XIRP2: variants seen among roughly 807,000 people sequenced by gnomAD.
XIRP2 encodes the protein xin actin binding repeat containing 2, also known as xin actin-binding repeat-containing protein 2.
XIRP2 carries 236 observed loss-of-function variants against 277.0 expected under a neutral mutation model. The observed-to-expected ratio is 0.85, with a 90% CI of 0.77 to 0.95. XIRP2 has a LOEUF of 0.95. Among genes scored for constraint, XIRP2 ranks in the 40% least tolerant of loss-of-function variants. XIRP2 has a pLI of 0.00. For missense variants in XIRP2, 4,640 were observed against 4,157.5 expected, an observed-to-expected ratio of 1.12 and a Z score of -3.19; for synonymous variants, 1,490 against 1,416.5, an observed-to-expected ratio of 1.05 and a Z score of -1.17.
intron 2 of XIRP2, among the ~76,000 whole-genome samples, chr2:167,108,485 T>C (rs572662613): frequency 1.3e-5 from 2 of 152,196 alleles, no homozygotes; most frequent in Admixed American, 1.3e-4. Flanking sequence ...TAAACTTCCA[T>C]CTTGAGACCG....
intron 2 of XIRP2, among the ~76,000 whole-genome samples, chr2:167,070,940 A>G (rs758654415): frequency 6.6e-6 from 1 of 152,226 alleles, no homozygotes; most frequent in South Asian, 2.1e-4. Context: ...GCATTTGTCC[A>G]CATTATATTT....
intron 2 of XIRP2, among the ~76,000 whole-genome samples, chr2:166,977,272 T>C (rs1686739760): frequency 6.6e-6 from 1 of 152,172 alleles, no homozygotes; most frequent in Non-Finnish European, 1.5e-5. Context: ...GTTTTCAAAT[T>C]TAGAAAATTT....
intron 3 of XIRP2, among the ~76,000 whole-genome samples, chr2:167,180,724 C>G (rs184802573): frequency 6.6e-6 from 1 of 152,256 alleles, no homozygotes; most frequent in Non-Finnish European, 1.5e-5. Flanking sequence ...GTCACTGTCC[C>G]TTACCATTGT....
intron 2 of XIRP2, among the ~76,000 whole-genome samples, chr2:167,058,775 T>G (rs1689100658): frequency 6.6e-6 from 1 of 152,194 alleles, no homozygotes; most frequent in Non-Finnish European, 1.5e-5. Flanking sequence ...AAGCAGGTGG[T>G]CACGTCTGGA....
intron 10 of XIRP2, 89 bp from the exon 11 acceptor site, chr2:167,257,768 G>C: frequency 7.4e-7 from 1 of 1,352,112 alleles, no homozygotes; most frequent in Non-Finnish European, 1.0e-6. Flanking sequence ...AAGTTTACTA[G>C]TCTGTAACTC....
intron 2 of XIRP2, among the ~76,000 whole-genome samples, chr2:166,969,938 T>G (rs1279418289): frequency 2.6e-5 from 4 of 151,304 alleles, no homozygotes; most frequent in African/African-American, 9.7e-5. Context: ...CAAACTAAAA[T>G]TAAAAAAAAA....
chr2:167,034,619 C>T (rs1688461070), intron 2 of XIRP2, among the ~76,000 whole-genome samples: 1 of 151,778 alleles, frequency 6.6e-6, no homozygotes, highest in South Asian at 2.1e-4. Context: ...CCAACAGAAA[C>T]CAATAAAGAG....
chr2:167,106,780 T>C (rs929594460), intron 2 of XIRP2, among the ~76,000 whole-genome samples: 2 of 151,620 alleles, frequency 1.3e-5, no homozygotes, highest in African/African-American at 4.8e-5. Context: ...AGAATTGGCA[T>C]CTTTACTTTG....
chr2:167,113,346 T>A (rs1293899508), intron 2 of XIRP2, among the ~76,000 whole-genome samples: 1 of 152,220 alleles, frequency 6.6e-6, no homozygotes, highest in Non-Finnish European at 1.5e-5. Flanking sequence ...TGCATACACA[T>A]CTATTTAAGA....
intron 2 of XIRP2, among the ~76,000 whole-genome samples, chr2:166,937,812 G>T (rs1359531254): frequency 6.6e-6 from 1 of 152,130 alleles, no homozygotes; most frequent in Non-Finnish European, 1.5e-5. Context: ...CTTATTCCTG[G>T]TTTAGTGTTG....
intron 3 of XIRP2, among the ~76,000 whole-genome samples, chr2:167,142,148 A>C (rs1249478824): frequency 6.6e-6 from 1 of 152,142 alleles, no homozygotes; most frequent in East Asian, 1.9e-4. Flanking sequence ...TTCTACAGGG[A>C]ATAGGCCAAG....
At chr2:166,931,883 C>T in intron 2 of XIRP2, among the ~76,000 whole-genome samples, 1 of 152,086 alleles carries the variant, frequency 6.6e-6, no homozygotes, top group Admixed American at 6.6e-5. Flanking sequence ...TTTACATTTC[C>T]ATCATCAGTG....
chr2:167,084,050 C>A (rs987294898), intron 2 of XIRP2, among the ~76,000 whole-genome samples: 1 of 151,790 alleles, frequency 6.6e-6, no homozygotes, highest in South Asian at 2.1e-4. Context: ...CAGTTTTTGC[C>A]CATTCAGTAT....
intron 3 of XIRP2, among the ~76,000 whole-genome samples, chr2:167,175,074 A>G (rs1371532178): frequency 6.6e-6 from 1 of 152,002 alleles, no homozygotes; most frequent in Non-Finnish European, 1.5e-5. Context: ...TGGGGTGGAG[A>G]GTTCTGTAGA....
chr2:167,008,273 C>T (rs1386705865), intron 2 of XIRP2, among the ~76,000 whole-genome samples: 1 of 151,540 alleles, frequency 6.6e-6, no homozygotes, highest in Non-Finnish European at 1.5e-5. Context: ...ATTCTTCTCT[C>T]TGTCTTATTT....
At chr2:167,016,797 A>G (rs191210022) in intron 2 of XIRP2, among the ~76,000 whole-genome samples, 80 of 152,116 alleles carry the variant, frequency 5.3e-4, no homozygotes, top group African/African-American at 1.8e-3. Context: ...CTCATCCTGC[A>G]TCACAATTCA....
At chr2:167,061,603 A>G (rs1045110509) in intron 2 of XIRP2, among the ~76,000 whole-genome samples, 10 of 152,028 alleles carry the variant, frequency 6.6e-5, no homozygotes, top group Non-Finnish European at 1.2e-4. Context: ...TGGTCTTTAC[A>G]GTTCTCATCA....
intron 2 of XIRP2, among the ~76,000 whole-genome samples, chr2:166,942,467 T>G (rs1183147048): frequency 6.6e-6 from 1 of 152,316 alleles, no homozygotes; most frequent in South Asian, 2.1e-4. Flanking sequence ...ATGAGGTCAT[T>G]TGCAACTGCG....
intron 3 of XIRP2, among the ~76,000 whole-genome samples, chr2:167,201,252 A>AGAGAGGG (rs1559018390): frequency 1.4e-5 from 1 of 71,772 alleles, no homozygotes; most frequent in Non-Finnish European, 2.5e-5. Context: ...GAAAGAAAGA[A>AGAGAGGG]AGAAAGAAAG....
Sources: gnomAD v4.1 joint callset for allele counts (sites outside exome capture counted in the v4.1 genomes callset) on GRCh38, gnomAD v4.1.1 for gene constraint, MANE v1.5 for transcripts, NCBI Gene and HGNC (gene_info 2026-07-23, HGNC 2026-07-21) for gene names.